The following BTNL8 variants were observed in gnomAD, a reference collection of about 807,000 sequenced individuals.
BTNL8 encodes the protein butyrophilin like 8, also known as butyrophilin-like protein 8.
BTNL8 carries 22 observed loss-of-function variants against 36.1 expected under a neutral mutation model. That is an observed-to-expected ratio of 0.61 (90% CI 0.44 to 0.87). BTNL8 has a LOEUF of 0.87. Among genes scored for constraint, BTNL8 ranks in the 40% least tolerant of loss-of-function variants. The pLI, the probability that BTNL8 is intolerant of heterozygous loss-of-function variation, is 0.00. For missense variants in BTNL8, 526 were observed against 616.9 expected, an observed-to-expected ratio of 0.85 and a Z score of 1.56; for synonymous variants, 203 against 235.6, an observed-to-expected ratio of 0.86 and a Z score of 1.27.
At chr5:180,940,704 A>G (rs899284757) in intron 3 of BTNL8, among the ~76,000 whole-genome samples, 2 of 152,122 alleles carry the variant, frequency 1.3e-5, no homozygotes, top group Non-Finnish European at 2.9e-5. Context: ...AAAATCAGAA[A>G]CCAAAAGGAG....
chr5:180,910,326 T>A (rs1757332238), intron 2 of BTNL8, among the ~76,000 whole-genome samples: 1 of 152,106 alleles, frequency 6.6e-6, no homozygotes, highest in African/African-American at 2.4e-5. Context: ...AGACAGCAGA[T>A]AAGCTACAGG....
In BTNL8 at chr5:180,935,131, T is replaced by C. The variant is rs138405414; in HGVS notation, c.674-12381T>C. Among the ~76,000 whole-genome samples the C allele has an allele frequency of 0.016, 2,424 of 152,250 alleles. 73 individuals carry two copies. The highest frequency in any genetic ancestry group is 0.055 in the African/African-American group (2,268 of 41,532). On this transcript the variant is annotated intron_variant, in intron 3 of 7. Coordinates refer to ENST00000340184, the MANE Select transcript of BTNL8 (RefSeq NM_001040462.3). The surrounding 1 kb of genome is among the most constrained non-coding windows in gnomAD (Gnocchi z 4.8). ...GGCCCAGAAGGAAGGGAGTGCATGC[T>C]GATTGGTTCATGGATGGCCATGGGT...
chr5:180,945,859 G>C (rs1582065470), intron 3 of BTNL8: 1 of 464,282 alleles, frequency 2.2e-6, no homozygotes, highest in East Asian at 5.7e-5. Flanking sequence ...TGTGCTGGCA[G>C]TGTTTCCATC....
At chr5:180,913,665 G>A (rs1349412147) in intron 3 of BTNL8, among the ~76,000 whole-genome samples, 1 of 152,292 alleles carries the variant, frequency 6.6e-6, no homozygotes, top group East Asian at 1.9e-4. Flanking sequence ...CTATCGTTTG[G>A]TTGGCTGAAG....
intron 4 of BTNL8, 170 bp downstream of exon 4, chr5:180,947,795 C>T: frequency 6.3e-7 from 1 of 1,598,350 alleles, no homozygotes; most frequent in Non-Finnish European, 8.5e-7. Flanking sequence ...ATCTCTTCCT[C>T]TGGAAATATC....
chr5:180,911,530 G>A lies in BTNL8; in HGVS notation c.589G>A (p.Val197Ile), dbSNP rs754119428. ...GTTTGATGTGGAGATCTCTCTGACCGTCCAAGAGAACGCCGGGAGCATATC... is the reference window on the plus strand; with the variant it reads ...GTTTGATGTGGAGATCTCTCTGACCATCCAAGAGAACGCCGGGAGCATATC... ...GLFDVEISLT[V>I]QENAGSISCS... is the part of the protein sequence containing the mutation. Residue 197 changes from valine to isoleucine, a missense_variant, in exon 3 of 8, where the codon GTC becomes ATC. Val to Ile is a conservative substitution (Grantham distance 29, BLOSUM62 3). This residue lies in a region of BTNL8 where 350 missense variants were observed against 324.6 expected (regional missense o/e 1.08). Transcript: ENST00000340184. 31 of 1,613,948 alleles carry A rather than the reference G, an allele frequency of 1.9e-5. No homozygotes were observed. Among genetic ancestry groups the A allele is most frequent in the South Asian group, 8.8e-5 (8 of 91,080 alleles).
intron 1 of BTNL8, among the ~76,000 whole-genome samples, chr5:180,904,071 G>T (rs1295819649): frequency 7.1e-6 from 1 of 141,056 alleles, no homozygotes; most frequent in African/African-American, 2.8e-5. Context: ...GAAAGTCATT[G>T]GTAGCTTGAT....
At chr5:180,907,708 A>G (rs902643316) in intron 1 of BTNL8, among the ~76,000 whole-genome samples, 4 of 152,016 alleles carry the variant, frequency 2.6e-5, no homozygotes, top group Non-Finnish European at 5.9e-5. Context: ...TTTGGTGTGG[A>G]TGTCCTTTCT....
At chr5:180,920,418 A>G (rs1582030825) in intron 3 of BTNL8, among the ~76,000 whole-genome samples, 1 of 139,506 alleles carries the variant, frequency 7.2e-6, no homozygotes. Context: ...TTGGACTCAT[A>G]TTTTCCATCA....
chr5:180,930,780 A>G (rs1361714827), intron 3 of BTNL8, among the ~76,000 whole-genome samples: 1 of 152,206 alleles, frequency 6.6e-6, no homozygotes, highest in Non-Finnish European at 1.5e-5. Flanking sequence ...TTCAAGGAGA[A>G]CTACAAACCA....
rs901819015 is a variant in BTNL8, at chr5:180,949,199, C to T, written c.836-40C>T. ...CCTTCTCCCTGCGCCCTGTTTCCCA[C>T]GTGAGCACTGAACTGCCTGCTCTGT... On this transcript the variant is annotated intron_variant, in intron 6 of 7. Transcript: ENST00000340184. 2.9e-5 allele frequency: 42 copies of T among 1,447,462 alleles called. 11 individuals carry two copies. The highest frequency in any genetic ancestry group is 1.8e-4 in the Middle Eastern group (1 of 5,416). 89.7% of individuals were successfully genotyped at this position (1,447,462 alleles called of 1,614,324 possible). A position where few individuals can be genotyped will look rare whatever the true frequency, so the allele number is the denominator to read the frequency against.
chr5:180,947,767 T>G lies in BTNL8; in HGVS notation c.787+142T>G, dbSNP rs1278023770. The G allele has an allele frequency of 4.3e-6, 7 of 1,611,700 alleles. No homozygotes were observed. In the South Asian group the frequency reaches 6.6e-5, roughly 15 times the overall value. On this transcript the variant is annotated intron_variant, in intron 4 of 7. Transcript: ENST00000340184. The stretch of plus-strand genomic sequence containing the variant: ...CCAGGCCCAAAAAAGTAATCATCCT[T>G]CTCTAGGGTATTCTAACATCTCTTC...
chr5:180,932,713 A>C (rs1460564769), intron 3 of BTNL8, among the ~76,000 whole-genome samples: 2 of 152,200 alleles, frequency 1.3e-5, no homozygotes, highest in Admixed American at 1.3e-4. Flanking sequence ...AAAGGATTCA[A>C]AGCATGCAAC....
Position 180,950,453 on chromosome 5 carries a change from C to G in BTNL8, c.1412C>G (p.Ser471Cys). Residue 471 changes from serine to cysteine, a missense_variant, in exon 8 of 8, where the codon TCT becomes TGT. Coordinates refer to ENST00000340184, the MANE Select transcript of BTNL8 (RefSeq NM_001040462.3). ...ACCCAGGAATCAGAGAAAGAGGCCT[C>G]TTGGCAAAGGGCCTCTGCAATCCCA... is the stretch of plus-strand genomic sequence containing the variant. ...PVTQESEKEA[S>C]WQRASAIPET... 8.9e-6 allele frequency: 13 copies of G among 1,463,886 alleles called. 4 individuals carry two copies. Among genetic ancestry groups the G allele is most frequent in the Non-Finnish European group, 1.2e-5 (13 of 1,059,186 alleles). 90.7% of individuals were successfully genotyped at this position (1,463,886 alleles called of 1,614,324 possible). A position where few individuals can be genotyped will look rare whatever the true frequency, so the allele number is the denominator to read the frequency against.
At chr5:180,937,444 CACCCACG>C (rs1233953678) in intron 3 of BTNL8, among the ~76,000 whole-genome samples, 2 of 152,152 alleles carry the variant, frequency 1.3e-5, no homozygotes, top group African/African-American at 4.8e-5. Context: ...TATAATACAG[CACCCACG>C]TATCCAACCA....
chr5:180,911,595 A>T lies in BTNL8; in HGVS notation c.654A>T (p.Glu218Asp), dbSNP rs377631162. 3 of 1,613,238 alleles carry T rather than the reference A, an allele frequency of 1.9e-6. No individual in the cohort carries two copies. The African/African-American group carries it at 4.0e-5, about 22-fold the overall frequency. ...MRHAHLSREV[E>D]SRVQIGDTFF... Reference sequence around the variant, plus strand: ...ATGCTCATCTGAGCCGAGAGGTGGAATCCAGGGTACAGATAGGAGGTGAGT... The same window carrying T: ...ATGCTCATCTGAGCCGAGAGGTGGATTCCAGGGTACAGATAGGAGGTGAGT... Residue 218 changes from glutamate (E) to aspartate (D), a missense_variant, in exon 3 of 8, where the codon GAA (glutamate) becomes GAT (aspartate). Glu to Asp is a conservative substitution (Grantham distance 45). Transcript: ENST00000340184.
At chr5:180,947,803 A>G in intron 4 of BTNL8, 178 bp downstream of exon 4, 1 of 1,591,856 alleles carries the variant, frequency 6.3e-7, no homozygotes, top group Non-Finnish European at 8.6e-7. Context: ...CTCTGGAAAT[A>G]TCAACTACGA....
intron 1 of BTNL8, among the ~76,000 whole-genome samples, chr5:180,907,949 G>A (rs1410568357): frequency 1.3e-5 from 2 of 152,142 alleles, no homozygotes; most frequent in Non-Finnish European, 2.9e-5. Context: ...ATTTAAGTCT[G>A]CAGAGGTTAC....
At position 180,933,106 on chromosome 5, in the gene BTNL8, G is replaced by A. The variant is rs139880635; in HGVS notation, c.674-14406G>A. Among the ~76,000 whole-genome samples, 556 of 151,196 alleles carry A rather than the reference G, an allele frequency of 3.7e-3. 1 individual carries two copies. The highest frequency in any genetic ancestry group is 6.1e-3 in the Admixed American group (92 of 15,174). ...AAAAGGTCATTATGTAATAATAGAG[G>A]GTTCAATTTACCAAGAACATATAAC... is the stretch of plus-strand genomic sequence containing the variant. On this transcript the variant is annotated intron_variant, in intron 3 of 7. Coordinates refer to ENST00000340184, the MANE Select transcript of BTNL8 (RefSeq NM_001040462.3).
Sources: allele counts gnomAD v4.1 joint callset (sites outside exome capture counted in the v4.1 genomes callset), GRCh38; gene constraint gnomAD v4.1.1; regional missense constraint gnomAD v4.1.1; non-coding constraint Gnocchi (gnomAD v3.1); transcripts MANE v1.5; gene names NCBI Gene and HGNC (gene_info 2026-07-23, HGNC 2026-07-21).